CDKN2B-AS1: variants seen among roughly 807,000 people sequenced by gnomAD.
The protein encoded by CDKN2B-AS1 is CDKN2B and CDKN2A antisense cis and trans regulatory RNA 1.
intron 1 of CDKN2B-AS1, among the ~76,000 whole-genome samples, chr9:22,012,705 CA>C (rs1337394032): frequency 4.0e-5 from 6 of 151,892 alleles, no homozygotes; most frequent in Non-Finnish European, 7.4e-5. Context: ...CACACTTTTG[CA>C]TATGATTAGG....
chr9:22,108,430 A>G (rs2131364430), intron 4 of CDKN2B-AS1, among the ~76,000 whole-genome samples: 2 of 152,238 alleles, frequency 1.3e-5, no homozygotes. Flanking sequence ...TCAGGGTGGT[A>G]TGGCCATAGA....
chr9:22,080,585 A>G (rs1202551478), intron 4 of CDKN2B-AS1, among the ~76,000 whole-genome samples: 1 of 152,226 alleles, frequency 6.6e-6, no homozygotes, highest in Non-Finnish European at 1.5e-5. Context: ...AATGTTTAAC[A>G]ATTAAAACCA....
At chr9:22,020,765 G>T (rs868096009) in intron 1 of CDKN2B-AS1, among the ~76,000 whole-genome samples, 2 of 152,076 alleles carry the variant, frequency 1.3e-5, no homozygotes, top group Non-Finnish European at 2.9e-5. Flanking sequence ...CTTTATAGAT[G>T]CTGGATATTA....
chr9:22,100,501 T>C (rs556038299), intron 4 of CDKN2B-AS1, among the ~76,000 whole-genome samples: 20 of 152,218 alleles, frequency 1.3e-4, no homozygotes, highest in Non-Finnish European at 2.5e-4. Flanking sequence ...TCATTCCTTT[T>C]TATTTGTGTC....
rs1407834411 is a variant in CDKN2B-AS1 at position 22,006,142 on chromosome 9, C to A, written n.29+10981C>A. Reference sequence around the variant, plus strand: ...AGCGTGTCCAGGAAGCCCTCCCGGGCAGCATCATGCACCGGTCGGGTGAGA... The same window carrying A: ...AGCGTGTCCAGGAAGCCCTCCCGGGAAGCATCATGCACCGGTCGGGTGAGA... On this transcript the variant is annotated intron_variant and non_coding_transcript_variant, in intron 1 of 4. Coordinates refer to ENST00000650946, the Ensembl canonical transcript of CDKN2B-AS1. The surrounding 1 kb of genome is among the most constrained non-coding windows in gnomAD (Gnocchi z 6.4). The A allele has an allele frequency of 1.9e-6, 3 of 1,611,416 alleles. No homozygotes were observed. Among genetic ancestry groups the A allele is most frequent in the East Asian group, 2.2e-5 (1 of 44,874 alleles).
At chr9:22,067,540 G>GCATGCACA (rs1563959938) in intron 4 of CDKN2B-AS1, among the ~76,000 whole-genome samples, 8 of 151,522 alleles carry the variant, frequency 5.3e-5, no homozygotes, top group Non-Finnish European at 1.2e-4. Context: ...ACACACACAC[G>GCATGCACA]CACGCACACA....
intron 1 of CDKN2B-AS1, chr9:22,030,508 G>C (rs1028704187): frequency 1.3e-5 from 2 of 152,084 alleles, no homozygotes; most frequent in Non-Finnish European, 2.9e-5. Flanking sequence ...GAGAAAAAAT[G>C]TTACAGTGAC....
chr9:22,064,918 T>C (rs1298333540), intron 4 of CDKN2B-AS1, among the ~76,000 whole-genome samples: 1 of 152,222 alleles, frequency 6.6e-6, no homozygotes, highest in Non-Finnish European at 1.5e-5. Flanking sequence ...TTTAATGCAA[T>C]TGTTTGTGGG....
intron 1 of CDKN2B-AS1, chr9:22,008,598 T>C (rs1199253667): frequency 6.7e-7 from 1 of 1,493,442 alleles, no homozygotes; most frequent in Non-Finnish European, 9.0e-7. Flanking sequence ...TAAAAAAAGC[T>C]TAAACAGTGG....
At chr9:22,048,890 A>G (rs1823219409) in intron 2 of CDKN2B-AS1, among the ~76,000 whole-genome samples, 1 of 152,214 alleles carries the variant, frequency 6.6e-6, no homozygotes, top group African/African-American at 2.4e-5. Flanking sequence ...TGGAAATCAT[A>G]ACAGTTCTTG....
intron 1 of CDKN2B-AS1, among the ~76,000 whole-genome samples, chr9:22,014,792 A>C (rs1219475801): frequency 1.7e-5 from 2 of 117,960 alleles, no homozygotes; most frequent in Non-Finnish European, 3.3e-5. Context: ...CCAGAGTGTG[A>C]TGTTCCCCTT....
At chr9:22,116,250 G>T (rs895081354) in intron 4 of CDKN2B-AS1, among the ~76,000 whole-genome samples, 5 of 152,302 alleles carry the variant, frequency 3.3e-5, no homozygotes, top group Non-Finnish European at 5.9e-5. Context: ...TACTCAAACG[G>T]TGTATATCAA....
Position 22,058,923 on chromosome 9 carries a change from G to C in CDKN2B-AS1, n.438+2536G>C, listed in dbSNP as rs1007554082. ...GGAAGAAGCAAAAGCGGAAACCTCT[G>C]ATAAACCCATCAGATCTTATGAGAC... On this transcript the variant is annotated intron_variant and non_coding_transcript_variant, in intron 4 of 4. Coordinates refer to ENST00000650946, the Ensembl canonical transcript of CDKN2B-AS1. The C allele has an allele frequency of 1.5e-5, 3 of 194,292 alleles. No homozygotes were observed. The Admixed American group carries it at 1.7e-4, about 11-fold the overall frequency. The allele number at this position is 194,292 out of a possible 1,614,324, so 12.0% of individuals were successfully genotyped here. A position where few individuals can be genotyped will look rare whatever the true frequency, so the allele number is the denominator to read the frequency against.
intron 1 of CDKN2B-AS1, among the ~76,000 whole-genome samples, chr9:22,041,053 C>G (rs546095678): frequency 6.6e-6 from 1 of 152,110 alleles, no homozygotes; most frequent in Admixed American, 6.6e-5. Context: ...ACCACTCCCT[C>G]TCTCACTAAA....
At chr9:22,073,666 G>A (rs1236564571) in intron 4 of CDKN2B-AS1, among the ~76,000 whole-genome samples, 2 of 152,072 alleles carry the variant, frequency 1.3e-5, no homozygotes, top group Admixed American at 1.3e-4. Flanking sequence ...TAGCTACTAG[G>A]AACTCTATTT....
intron 4 of CDKN2B-AS1, among the ~76,000 whole-genome samples, chr9:22,102,311 G>C (rs970646283): frequency 2.0e-5 from 3 of 152,152 alleles, no homozygotes; most frequent in African/African-American, 7.2e-5. Flanking sequence ...CTGCTAGATG[G>C]CTTGCTCATT....
rs111471525 is a variant in CDKN2B-AS1 at position 22,072,893 on chromosome 9, C to T, written n.438+16506C>T. On this transcript the variant is annotated intron_variant and non_coding_transcript_variant, in intron 4 of 4. Transcript: ENST00000650946. ...GACTTCTATTTCTTCATGTTTAAAT[C>T]GGGAATAATATTCCTTTCTCATTTC... 5.7e-3 allele frequency among the ~76,000 whole-genome samples: 872 copies of T among 152,116 alleles called. 11 individuals carry two copies. The highest frequency in any genetic ancestry group is 0.028 in the East Asian group (144 of 5,174).
chr9:22,033,585 T>C (rs1025885162), intron 1 of CDKN2B-AS1, among the ~76,000 whole-genome samples: 2 of 152,158 alleles, frequency 1.3e-5, no homozygotes, highest in African/African-American at 4.8e-5. Flanking sequence ...ATAACAATTA[T>C]TTGCAACTGG....
Position 21,999,490 on chromosome 9 carries a change from A to C in CDKN2B-AS1, n.29+4329A>C, listed in dbSNP as rs987896988. Among the ~76,000 whole-genome samples, 7 of 151,980 alleles carry C rather than the reference A, an allele frequency of 4.6e-5. No homozygotes were observed. The highest frequency in any genetic ancestry group is 8.8e-5 in the Non-Finnish European group (6 of 67,946). ...TATGGGAAGATGTATACACATGTACACATATATATACATACATATGTATAT... is the reference window on the plus strand; with the variant it reads ...TATGGGAAGATGTATACACATGTACCCATATATATACATACATATGTATAT... On this transcript the variant is annotated intron_variant and non_coding_transcript_variant, in intron 1 of 4. Coordinates refer to ENST00000650946, the Ensembl canonical transcript of CDKN2B-AS1. The surrounding 1 kb of genome is among the most constrained non-coding windows in gnomAD (Gnocchi z 4.7).
Sources: allele counts gnomAD v4.1 joint callset (sites outside exome capture counted in the v4.1 genomes callset), GRCh38; gene constraint gnomAD v4.1.1; non-coding constraint Gnocchi (gnomAD v3.1); transcripts MANE v1.5; gene names NCBI Gene and HGNC (gene_info 2026-07-23, HGNC 2026-07-21).